MARVELD3: variants seen among roughly 807,000 people sequenced by gnomAD.
MARVELD3 encodes the protein MARVEL domain containing 3.
Under a neutral mutation model 33.5 loss-of-function variants are expected in MARVELD3, and 28 were observed. That is an observed-to-expected ratio of 0.84 (90% CI 0.62 to 1.15). MARVELD3 has a LOEUF of 1.15. MARVELD3 is among the 50% of genes most tolerant of loss of function. MARVELD3 has a pLI of 0.00. For synonymous variants in MARVELD3, 241 were observed against 230.4 expected (o/e 1.05, Z -0.42); for missense variants, 582 against 547.6 (o/e 1.06, Z -0.63).
chr16:71,634,153 A>G (rs1186986647), intron 2 of MARVELD3, 40 bp from the exon 3 acceptor site: 3 of 1,564,270 alleles, frequency 1.9e-6, no homozygotes, highest in Non-Finnish European at 2.6e-6. Context: ...CCTGGTGCCA[A>G]ACAGCATCAC....
rs541584820 is a variant in MARVELD3, at chr16:71,626,291, G to T, written c.62G>T (p.Arg21Leu). ...RARPRERDPG[R>L]RPHPDQGRTH... ...CGGCCGAGAGAGCGGGACCCGGGAC[G>T]GCGCCCCCACCCAGACCAAGGCCGC... Residue 21 changes from arginine to leucine, a missense_variant, in exon 1 of 3, where the codon CGG (arginine) becomes CTG (leucine). By Grantham distance (102) the Arg-to-Leu change is moderately radical. Coordinates refer to ENST00000268485, the MANE Select transcript of MARVELD3 (RefSeq NM_052858.6). This position sits in a 1 kb window ranked among gnomAD's most constrained non-coding sequence, Gnocchi z 5.3. The T allele has an allele frequency of 1.4e-5, 21 of 1,541,752 alleles. No individual in the cohort carries two copies. In the Admixed American group the frequency reaches 3.0e-4, roughly 22 times the overall value.
Position 71,634,354 on chromosome 16 carries a change from G to C in MARVELD3, c.757G>C (p.Glu253Gln), listed in dbSNP as rs755673547. ...CAGTGGCTTTGATGGTGCTGACGGG[G>C]AGAAGGCCCAGCAACTGGATGTCCA... ...AYSGFDGADG[E>Q]KAQQLDVQFY... Residue 253 changes from glutamate (E) to glutamine (Q), a missense_variant, in exon 3 of 3, where the codon GAG becomes CAG. Glu to Gln is a conservative substitution (Grantham distance 29). Coordinates refer to ENST00000268485, the MANE Select transcript of MARVELD3 (RefSeq NM_052858.6). 8.7e-6 allele frequency: 14 copies of C among 1,614,054 alleles called. No homozygotes were observed. The Admixed American group carries it at 2.3e-4, about 27-fold the overall frequency.
In MARVELD3 at chr16:71,629,350, A is replaced by T. The variant is rs759344053; in HGVS notation, c.468-17A>T. The stretch of plus-strand genomic sequence containing the variant: ...ATGAGACACCCCCTAATGACCATGT[A>T]TGCTTTTTGGTTATAGTGAACCCCC... On this transcript the variant is annotated splice_polypyrimidine_tract_variant and intron_variant, in intron 1 of 2. Coordinates refer to ENST00000268485, the MANE Select transcript of MARVELD3 (RefSeq NM_052858.6). 1 of 1,527,940 alleles carries T rather than the reference A, an allele frequency of 6.5e-7. No individual in the cohort carries two copies. Among genetic ancestry groups the T allele is most frequent in the South Asian group, 1.3e-5 (1 of 75,982 alleles). 94.6% of individuals were successfully genotyped at this position (1,527,940 alleles called of 1,614,324 possible). A position where few individuals can be genotyped will look rare whatever the true frequency, so the allele number is the denominator to read the frequency against.
intron 1 of MARVELD3, 74 bp from the exon 2 acceptor site, chr16:71,629,293 G>T (rs1293785955): frequency 2.1e-6 from 3 of 1,437,598 alleles, no homozygotes; most frequent in Admixed American, 5.8e-5. Context: ...CCAGCACGAG[G>T]AGTCAAGAGT....
At position 71,635,566 on chromosome 16, in the gene MARVELD3, C is replaced by T. The variant is rs547347475; in HGVS notation, c.*763C>T. 150 of 981,434 alleles carry T rather than the reference C, an allele frequency of 1.5e-4. No homozygotes were observed. Among genetic ancestry groups the T allele is most frequent in the Non-Finnish European group, 1.7e-4 (140 of 826,858 alleles). The allele number at this position is 981,434 out of a possible 1,614,324, so 60.8% of individuals were successfully genotyped here. On this transcript the variant is annotated 3_prime_UTR_variant, in exon 3 of 3. Coordinates refer to ENST00000268485, the MANE Select transcript of MARVELD3 (RefSeq NM_052858.6). Reference sequence around the variant, plus strand: ...AGTTTGCAGTGCGCTATGATTGTCCCACTACACTCTAGCCTGAGCAACAGA... The same window carrying T: ...AGTTTGCAGTGCGCTATGATTGTCCTACTACACTCTAGCCTGAGCAACAGA...
chr16:71,641,323 C>T (rs868793816), downstream of MARVELD3: 15 of 331,928 alleles, frequency 4.5e-5, no homozygotes, highest in Non-Finnish European at 7.9e-5. Flanking sequence ...CATGGTGGCT[C>T]ACGCCTGTAA....
chr16:71,640,801 CAA>C (rs1491323634), downstream of MARVELD3: 9 of 1,614,260 alleles, frequency 5.6e-6, no homozygotes, highest in South Asian at 9.9e-5. Flanking sequence ...ACTTGCAAAA[CAA>C]GAGAGAGGCT....
chr16:71,630,354 G>A (rs1463517336), intron 2 of MARVELD3, among the ~76,000 whole-genome samples: 4 of 137,450 alleles, frequency 2.9e-5, no homozygotes, highest in East Asian at 2.2e-4. Flanking sequence ...GGCCAGGCAC[G>A]ATGGCTCACG....
downstream of MARVELD3, chr16:71,640,787 C>A (rs373575019): frequency 1.9e-6 from 3 of 1,614,190 alleles, no homozygotes; most frequent in African/African-American, 4.0e-5. Flanking sequence ...TCAATAGCAC[C>A]GACACTTGCA....
Position 71,634,068 on chromosome 16 carries a change from C to T in MARVELD3, c.596-125C>T, listed in dbSNP as rs963755547. The T allele has an allele frequency of 2.7e-5, 39 of 1,456,966 alleles. No individual in the cohort carries two copies. The Middle Eastern group carries it at 1.3e-3, about 48-fold the overall frequency. 90.3% of individuals were successfully genotyped at this position (1,456,966 alleles called of 1,614,324 possible). The stretch of plus-strand genomic sequence containing the variant: ...AGTTTTAATCGCGCTGCTTTGGCCT[C>T]GGGTCTTCCACAGGGCCAGAAGCCT... On this transcript the variant is annotated intron_variant, in intron 2 of 2. Transcript: ENST00000268485.
chr16:71,636,799 C>G (rs1258843156), downstream of MARVELD3, among the ~76,000 whole-genome samples: 2 of 152,140 alleles, frequency 1.3e-5, no homozygotes, highest in East Asian at 3.9e-4. Flanking sequence ...CCATGTTGCC[C>G]AGGCTCATCT....
chr16:71,627,906 C>T (rs1299912333), intron 1 of MARVELD3, among the ~76,000 whole-genome samples: 3 of 152,180 alleles, frequency 2.0e-5, no homozygotes, highest in Non-Finnish European at 4.4e-5. Flanking sequence ...TGGGATATCT[C>T]CCCTGCCAGC....
At chr16:71,641,512 C>T (rs774443915) in exon 3 of MARVELD3, 4 of 158,410 alleles carry the variant, frequency 2.5e-5, no homozygotes, top group East Asian at 1.8e-4. Flanking sequence ...CTCTTAAACC[C>T]GGGAGGCAGA....
chr16:71,629,174 T>C (rs926451501), intron 1 of MARVELD3, 193 bp from the exon 2 acceptor site: 3 of 559,360 alleles, frequency 5.4e-6, no homozygotes, highest in African/African-American at 2.0e-5. Flanking sequence ...ACGTGGTTAG[T>C]GGAGCTGGGC....
In MARVELD3 at chr16:71,626,817, G is replaced by C. The variant is rs1477104076; in HGVS notation, c.467+121G>C. ...GAGCCCGTTTAAATGAACAAATGCC[G>C]TTTCTCCCTTCTGCGCTCTCAGAGG... On this transcript the variant is annotated intron_variant, in intron 1 of 2. Transcript: ENST00000268485. This position sits in a 1 kb window ranked among gnomAD's most constrained non-coding sequence, Gnocchi z 5.3. 7.0e-6 allele frequency: 6 copies of C among 859,482 alleles called. No homozygotes were observed. In the South Asian group the frequency reaches 9.5e-5, roughly 14 times the overall value. The allele number at this position is 859,482 out of a possible 1,614,324, so 53.2% of individuals were successfully genotyped here.
chr16:71,634,420 G>A lies in MARVELD3; in HGVS notation c.823G>A (p.Ala275Thr), dbSNP rs1165643636. 6.2e-7 allele frequency: 1 copy of A among 1,614,212 alleles called. No individual in the cohort carries two copies. The highest frequency in any genetic ancestry group is 2.2e-5 in the East Asian group (1 of 44,888). Residue 275 changes from alanine (A) to threonine (T), a missense_variant, in exon 3 of 3, where the codon GCC (alanine) becomes ACC (threonine). By Grantham distance (58) the Ala-to-Thr change is moderately conservative (BLOSUM62 0). Transcript: ENST00000268485. The stretch of plus-strand genomic sequence containing the variant: ...GCTGCCCATGGTCACTGTGGCAATG[G>A]CCTGTAGTGGAGCCCTCACAGCCCT... ...LKLPMVTVAM[A>T]CSGALTALCC... is the part of the protein sequence containing the mutation.
intron 2 of MARVELD3, among the ~76,000 whole-genome samples, chr16:71,631,634 G>A (rs920416181): frequency 6.6e-6 from 1 of 152,014 alleles, no homozygotes; most frequent in Non-Finnish European, 1.5e-5. Context: ...TTTTAGTAGA[G>A]ACAGGGTTTT....
rs146045891 is a variant in MARVELD3 at position 71,629,399 on chromosome 16, C to T, written c.500C>T (p.Thr167Ile). The T allele has an allele frequency of 1.3e-6, 2 of 1,571,784 alleles. No homozygotes were observed. Among genetic ancestry groups the T allele is most frequent in the Non-Finnish European group, 1.7e-6 (2 of 1,163,136 alleles). Reference protein sequence around the residue: ...EPPSERYLPSTPRPGREEVEY... With the variant: ...EPPSERYLPSIPRPGREEVEY... The stretch of plus-strand genomic sequence containing the variant: ...CCTTCGGAGAGATATCTGCCCTCGA[C>T]CCCCAGGCCTGGACGAGAGGAGGTG... The change falls in exon 2 of 3, where the codon ACC becomes ATC. Residue 167 changes from threonine (T) to isoleucine (I), a missense_variant. Coordinates refer to ENST00000268485, the MANE Select transcript of MARVELD3 (RefSeq NM_052858.6).
intron 2 of MARVELD3, 48 bp from the exon 3 acceptor site, chr16:71,634,145 T>C: frequency 6.4e-7 from 1 of 1,558,426 alleles, no homozygotes; most frequent in Non-Finnish European, 8.7e-7. Flanking sequence ...AAGAGTCTCC[T>C]GGTGCCAAAC....
Sources: allele counts gnomAD v4.1 joint callset (sites outside exome capture counted in the v4.1 genomes callset), GRCh38; gene constraint gnomAD v4.1.1; non-coding constraint Gnocchi (gnomAD v3.1); transcripts MANE v1.5; gene names NCBI Gene and HGNC (gene_info 2026-07-23, HGNC 2026-07-21).